Variants in NEO1 observed in about 807,000 individuals in gnomAD.
NEO1 encodes neogenin.
Under a neutral mutation model 159.7 loss-of-function variants are expected in NEO1, and 63 were observed. The ratio of observed to expected loss-of-function variants is 0.39; its 90% CI spans 0.32 to 0.49. The LOEUF (loss-of-function observed/expected upper bound fraction) is 0.49, where lower values mean the gene tolerates loss of function less well. Ranked by LOEUF, NEO1 falls within the 20% of genes least tolerant of loss-of-function variation. The probability of loss-of-function intolerance (pLI) is 0.85; values close to 1 mark genes in which losing one functional copy is unlikely to be tolerated. For missense variants in NEO1, 1,615 were observed against 1,831.0 expected (o/e 0.88, Z 2.15); for synonymous variants, 633 against 662.0 (o/e 0.96, Z 0.67).
In NEO1 at chr15:73,102,615, C is replaced by G. The variant is rs1487551588; in HGVS notation, c.131-13925C>G. On this transcript the variant is annotated intron_variant, in intron 1 of 28. Transcript: ENST00000261908. ...GTTTTACTCTCAGCAGTTCATCTTCCTTTCTGATATATTCCTTTGGCTTTT... is the reference window on the plus strand; with the variant it reads ...GTTTTACTCTCAGCAGTTCATCTTCGTTTCTGATATATTCCTTTGGCTTTT... Among the ~76,000 whole-genome samples the G allele has an allele frequency of 2.6e-5, 4 of 152,220 alleles. No individual in the cohort carries two copies. In the East Asian group the frequency reaches 7.7e-4, roughly 29 times the overall value.
chr15:73,062,532 T>C (rs2068029371), intron 1 of NEO1, among the ~76,000 whole-genome samples: 1 of 152,346 alleles, frequency 6.6e-6, no homozygotes, highest in South Asian at 2.1e-4. Context: ...CATGCTAACC[T>C]GATGTGGATT....
intron 4 of NEO1, among the ~76,000 whole-genome samples, chr15:73,127,144 T>C (rs1204690527): frequency 6.6e-6 from 1 of 151,638 alleles, no homozygotes; most frequent in African/African-American, 2.4e-5. Flanking sequence ...GGCAGAAGAA[T>C]CGCTTTAACC....
At chr15:73,282,830 C>T (rs1056028489) in intron 22 of NEO1, 134 bp from the exon 23 acceptor site, 99 of 1,052,766 alleles carry the variant, frequency 9.4e-5, no homozygotes, top group African/African-American at 7.8e-4. Context: ...CATGTTCACG[C>T]GGCACTTTTA....
chr15:73,085,155 A>C (rs1392919688), intron 1 of NEO1, among the ~76,000 whole-genome samples: 1 of 151,722 alleles, frequency 6.6e-6, no homozygotes, highest in Non-Finnish European at 1.5e-5. Context: ...CCCTCCCTCC[A>C]CTCCTAACTC....
intron 7 of NEO1, among the ~76,000 whole-genome samples, chr15:73,192,493 A>C (rs1432293032): frequency 6.6e-6 from 1 of 151,992 alleles, no homozygotes; most frequent in African/African-American, 2.4e-5. Context: ...TAAAATTCAC[A>C]CACCCTTTCA....
chr15:73,216,098 A>G (rs575462760), intron 7 of NEO1, among the ~76,000 whole-genome samples: 1 of 130,500 alleles, frequency 7.7e-6, no homozygotes, highest in African/African-American at 2.9e-5. Flanking sequence ...ACACCCCACA[A>G]CAGTCCCCAG....
Position 73,298,529 on chromosome 15 carries a change from C to G in NEO1, c.4083C>G (p.Ser1361Arg), listed in dbSNP as rs749777637. The G allele has an allele frequency of 6.2e-7, 1 of 1,614,046 alleles. No individual in the cohort carries two copies. Among genetic ancestry groups the G allele is most frequent in the African/African-American group, 1.3e-5 (1 of 74,908 alleles). The change falls in exon 27 of 29, where the codon AGC becomes AGG. Residue 1361 changes from serine to arginine, a missense_variant. Ser to Arg is a moderately radical substitution (Grantham distance 110). Coordinates refer to ENST00000261908, the MANE Select transcript of NEO1 (RefSeq NM_002499.4). ...AHVRPSHPLK[S>R]FAVPAIPPPG... ...TTCGCCCTTCCCACCCATTGAAGAG[C>G]TTCGCCGTGCCAGCAATCCCGCCTC...
At chr15:73,192,544 G>T (rs942136221) in intron 7 of NEO1, among the ~76,000 whole-genome samples, 4 of 151,772 alleles carry the variant, frequency 2.6e-5, no homozygotes, top group Non-Finnish European at 5.9e-5. Context: ...TACAGATATA[G>T]TTACTAAGTA....
intron 5 of NEO1, among the ~76,000 whole-genome samples, chr15:73,153,375 CA>C (rs1171036332): frequency 6.6e-6 from 1 of 151,784 alleles, no homozygotes; most frequent in Non-Finnish European, 1.5e-5. Flanking sequence ...CATCTAATTA[CA>C]AATAGTTTAA....
intron 7 of NEO1, among the ~76,000 whole-genome samples, chr15:73,224,782 C>T (rs2038482907): frequency 6.6e-6 from 1 of 152,112 alleles, no homozygotes; most frequent in Admixed American, 6.5e-5. Flanking sequence ...CTTAATTAAC[C>T]TCCTGCATTC....
At chr15:73,287,257 G>A (rs1596605385) in intron 23 of NEO1, among the ~76,000 whole-genome samples, 1 of 152,184 alleles carries the variant, frequency 6.6e-6, no homozygotes, top group Non-Finnish European at 1.5e-5. Flanking sequence ...TGCACTTTCT[G>A]TTCCCTTTAG....
At chr15:73,116,220 C>T (rs2071303015) in intron 1 of NEO1, among the ~76,000 whole-genome samples, 1 of 152,042 alleles carries the variant, frequency 6.6e-6, no homozygotes. Flanking sequence ...ACTTTGAATG[C>T]AGTAACTTAA....
intron 7 of NEO1, among the ~76,000 whole-genome samples, chr15:73,227,527 G>A (rs1009835721): frequency 3.3e-5 from 5 of 152,160 alleles, no homozygotes; most frequent in South Asian, 4.1e-4. Context: ...CAGGAGAAAC[G>A]TCATCATTCT....
chr15:73,291,392 G>A (rs1419212614), intron 25 of NEO1, among the ~76,000 whole-genome samples: 1 of 152,128 alleles, frequency 6.6e-6, no homozygotes, highest in Non-Finnish European at 1.5e-5. Flanking sequence ...TGGGGAAGGA[G>A]TTTGCACCAA....
chr15:73,111,064 G>A (rs12914663), intron 1 of NEO1, among the ~76,000 whole-genome samples: 13,152 of 152,024 alleles, frequency 0.087, 657 homozygotes, highest in Non-Finnish European at 0.1. Context: ...AGAAATACAC[G>A]GAGTAAAAAG....
intron 5 of NEO1, among the ~76,000 whole-genome samples, chr15:73,166,146 G>A (rs1172508306): frequency 6.6e-6 from 1 of 152,100 alleles, no homozygotes; most frequent in Non-Finnish European, 1.5e-5. Context: ...TCCTCTCTCA[G>A]TACTGTGATA....
intron 5 of NEO1, among the ~76,000 whole-genome samples, chr15:73,166,683 G>A (rs567207795): frequency 1.5e-3 from 226 of 152,312 alleles, no homozygotes; most frequent in Non-Finnish European, 2.4e-3. Flanking sequence ...TTAAGGAAGA[G>A]AAGTTTTGTT....
At chr15:73,218,199 T>G (rs1406215217) in intron 7 of NEO1, among the ~76,000 whole-genome samples, 2 of 152,162 alleles carry the variant, frequency 1.3e-5, no homozygotes, top group Non-Finnish European at 2.9e-5. Context: ...GGTTTTTGTC[T>G]TTGGTTCTGT....
intron 27 of NEO1, among the ~76,000 whole-genome samples, chr15:73,299,487 G>A (rs1401023128): frequency 6.6e-6 from 1 of 151,592 alleles, no homozygotes. Flanking sequence ...CCGGGTTCAC[G>A]CCATTCTCCT....
Sources: gnomAD v4.1 joint callset for allele counts (sites outside exome capture counted in the v4.1 genomes callset) on GRCh38, gnomAD v4.1.1 for gene constraint, MANE v1.5 for transcripts, NCBI Gene and HGNC (gene_info 2026-07-23, HGNC 2026-07-21) for gene names.